Variants in PCDHGA4 observed in about 807,000 individuals in gnomAD.
The protein encoded by PCDHGA4 is protocadherin gamma-A4.
In PCDHGA4, 38 loss-of-function variants were observed where a neutral mutation model predicts 54.6. The ratio of observed to expected loss-of-function variants is 0.70; its 90% CI spans 0.54 to 0.91. The LOEUF is 0.91. Ranked by LOEUF, PCDHGA4 falls within the 40% of genes least tolerant of loss-of-function variation. The probability of loss-of-function intolerance (pLI) is 0.00; values close to 1 mark genes in which losing one functional copy is unlikely to be tolerated. For missense variants in PCDHGA4, 1,298 were observed against 1,220.9 expected, an observed-to-expected ratio of 1.06 and a Z score of -0.94; for synonymous variants, 511 against 512.9, an observed-to-expected ratio of 1.00 and a Z score of 0.05.
chr5:141,389,397 A>G (rs1196356712), intron 1 of PCDHGA4: 2 of 1,613,688 alleles, frequency 1.2e-6, no homozygotes, highest in Admixed American at 3.3e-5. Context: ...CTACGTGTCC[A>G]TAAGCGCGGA....
chr5:141,496,932 T>G (rs1336402833), intron 2 of PCDHGA4, among the ~76,000 whole-genome samples: 1 of 148,964 alleles, frequency 6.7e-6, no homozygotes, highest in Non-Finnish European at 1.5e-5. Context: ...ACGCCTGTAA[T>G]CCCAGCACTT....
Position 141,432,292 on chromosome 5 carries a change from T to G in PCDHGA4, c.2515-62515T>G. 6.2e-7 allele frequency: 1 copy of G among 1,614,196 alleles called. No homozygotes were observed. The highest frequency in any genetic ancestry group is 8.5e-7 in the Non-Finnish European group (1 of 1,180,042). On this transcript the variant is annotated intron_variant, in intron 1 of 3. Transcript: ENST00000571252. This position sits in a 1 kb window ranked among gnomAD's most constrained non-coding sequence, Gnocchi z 6.0. Reference sequence around the variant, plus strand: ...CCTACGTGTCCATCAACTCCGACACTGGGGTACTGTATGCGCTGAGCTCCT... The same window carrying G: ...CCTACGTGTCCATCAACTCCGACACGGGGGTACTGTATGCGCTGAGCTCCT...
In PCDHGA4 at chr5:141,357,327, G is replaced by T. The variant is rs373544325; in HGVS notation, c.2220G>T (p.Thr740=). 1.9e-6 allele frequency: 3 copies of T among 1,614,030 alleles called. No homozygotes were observed. The highest frequency in any genetic ancestry group is 2.2e-5 in the East Asian group (1 of 44,878). The part of the protein sequence containing the change: ...AVSCVFLAFV[T]VLLALKLRRW... ...CCTGCGTCTTCCTGGCTTTTGTCACGGTGCTGCTAGCACTCAAGCTGAGAC... is the reference window on the plus strand; with the variant it reads ...CCTGCGTCTTCCTGGCTTTTGTCACTGTGCTGCTAGCACTCAAGCTGAGAC... The change falls in exon 1 of 4, where the codon ACG becomes ACT. Residue 740 remains threonine, a synonymous_variant. Transcript: ENST00000571252.
intron 1 of PCDHGA4, chr5:141,410,075 GAGGTGCGCAC>G: frequency 6.2e-7 from 1 of 1,612,898 alleles, no homozygotes; most frequent in East Asian, 2.2e-5. Context: ...GCGCACTGGG[GAGGTGCGCAC>G]GGCTCGAGCC....
intron 1 of PCDHGA4, chr5:141,408,016 A>G (rs991619128): frequency 9.9e-7 from 1 of 1,014,516 alleles, no homozygotes; most frequent in Admixed American, 3.2e-5. Flanking sequence ...TGCGCAGCCA[A>G]CAACAGAAAG....
chr5:141,512,262 C>G lies in PCDHGA4; in HGVS notation c.*1089C>G, dbSNP rs925517361. On this transcript the variant is annotated 3_prime_UTR_variant, in exon 4 of 4. Transcript: ENST00000571252. ...GAGGGGCCTCTGTGGGTGCTGGGTA[C>G]TCCAGAGGTGCCACTGGTGGAAGGG... 1 of 152,712 alleles carries G rather than the reference C, an allele frequency of 6.5e-6. No homozygotes were observed. The highest frequency in any genetic ancestry group is 2.4e-5 in the African/African-American group (1 of 41,452). 9.5% of individuals were successfully genotyped at this position (152,712 alleles called of 1,614,324 possible).
intron 1 of PCDHGA4, chr5:141,372,771 A>G: frequency 6.2e-7 from 1 of 1,610,980 alleles, no homozygotes. Context: ...AAGTAATGAC[A>G]ATCCAGAAAT....
rs1340147578 is a variant in PCDHGA4, at chr5:141,487,141, T to C, written c.2515-7666T>C. On this transcript the variant is annotated intron_variant, in intron 1 of 3. Transcript: ENST00000571252. This position sits in a 1 kb window ranked among gnomAD's most constrained non-coding sequence, Gnocchi z 5.0. ...AGGATAGTGGTAGTCCACCACTCTCTACCTCTGTTACTCTCTTAGTGTCCT... is the reference window on the plus strand; with the variant it reads ...AGGATAGTGGTAGTCCACCACTCTCCACCTCTGTTACTCTCTTAGTGTCCT... The C allele has an allele frequency of 1.2e-6, 2 of 1,613,882 alleles. No individual in the cohort carries two copies. Among genetic ancestry groups the C allele is most frequent in the African/African-American group, 2.7e-5 (2 of 74,934 alleles).
chr5:141,489,692 G>A lies in PCDHGA4; in HGVS notation c.2515-5115G>A. 1.9e-6 allele frequency: 3 copies of A among 1,614,128 alleles called. No individual in the cohort carries two copies. The highest frequency in any genetic ancestry group is 1.7e-6 in the Non-Finnish European group (2 of 1,179,980). On this transcript the variant is annotated intron_variant, in intron 1 of 3. Coordinates refer to ENST00000571252, the MANE Select transcript of PCDHGA4 (RefSeq NM_018917.4). The surrounding 1 kb of genome is among the most constrained non-coding windows in gnomAD (Gnocchi z 4.5). The stretch of plus-strand genomic sequence containing the variant: ...TCAGAATCAGCAGCATCTGGGGCAC[G>A]ATTCCCACTGGACAGTGCCCAGGAT...
At chr5:141,427,712 C>CCTGG (rs1319672065) in intron 1 of PCDHGA4, 7 of 1,051,350 alleles carry the variant, frequency 6.7e-6, no homozygotes, top group Non-Finnish European at 1.0e-5. Context: ...GCGCCTCTGA[C>CCTGG]CTGGACCTAG....
chr5:141,471,206 T>C (rs113465424), intron 1 of PCDHGA4: 16,891 of 151,686 alleles, frequency 0.11, 970 homozygotes, highest in South Asian at 0.15. Context: ...CCCACCCCCA[T>C]GCCTGGCAAT....
At chr5:141,366,907 A>G (rs2149901228) in intron 1 of PCDHGA4, 2 of 1,144,648 alleles carry the variant, frequency 1.7e-6, no homozygotes, top group South Asian at 3.3e-5. Context: ...TGCTTTCTCC[A>G]TTTGTTTTCA....
intron 1 of PCDHGA4, chr5:141,379,270 GATTT>G (rs1013953164): frequency 5.3e-5 from 8 of 152,170 alleles, no homozygotes; most frequent in African/African-American, 7.2e-5. Context: ...AATTGTTATA[GATTT>G]ATTTATTTCA....
chr5:141,399,412 T>C (rs1473017519), intron 1 of PCDHGA4: 3 of 1,613,948 alleles, frequency 1.9e-6, no homozygotes, highest in East Asian at 4.5e-5. Context: ...GCCGCCCCTC[T>C]CCTCCAGCAT....
intron 1 of PCDHGA4, among the ~76,000 whole-genome samples, chr5:141,452,284 C>G (rs1182155879): frequency 6.6e-6 from 1 of 152,112 alleles, no homozygotes; most frequent in Non-Finnish European, 1.5e-5. Context: ...TTCTTACTTT[C>G]TGATATAAGA....
At chr5:141,394,727 C>A in intron 1 of PCDHGA4, 1 of 1,613,436 alleles carries the variant, frequency 6.2e-7, no homozygotes, top group East Asian at 2.2e-5. Flanking sequence ...GAGATGCGCT[C>A]AAGCAGAGCC....
At chr5:141,359,059 A>G (rs1447770153) in intron 1 of PCDHGA4, among the ~76,000 whole-genome samples, 1 of 152,256 alleles carries the variant, frequency 6.6e-6, no homozygotes, top group South Asian at 2.1e-4. Flanking sequence ...ATATGCCTCA[A>G]TTTGACTTAC....
chr5:141,482,530 C>CAAAAAAAAAAAAAAAAA (rs3074545), intron 1 of PCDHGA4, among the ~76,000 whole-genome samples: 1 of 76,562 alleles, frequency 1.3e-5, no homozygotes, highest in African/African-American at 4.8e-5. Flanking sequence ...GACAGACATG[C>CAAAAAAAAAAAAAAAAA]AAAAAAAAAA....
chr5:141,483,648 TTGTG>T (rs111458813), intron 1 of PCDHGA4, among the ~76,000 whole-genome samples: 10 of 149,592 alleles, frequency 6.7e-5, no homozygotes, highest in Non-Finnish European at 1.0e-4. Flanking sequence ...GGGTGTGTGT[TTGTG>T]TGTGTGTGTG....
Sources: allele counts gnomAD v4.1 joint callset (sites outside exome capture counted in the v4.1 genomes callset), GRCh38; gene constraint gnomAD v4.1.1; non-coding constraint Gnocchi (gnomAD v3.1); transcripts MANE v1.5; gene names NCBI Gene and HGNC (gene_info 2026-07-23, HGNC 2026-07-21).